Variants in PSPH observed in about 807,000 individuals in gnomAD.
The protein encoded by PSPH is phosphoserine phosphatase.
Under a neutral mutation model 23.4 loss-of-function variants are expected in PSPH, and 16 were observed. The observed-to-expected ratio is 0.68, with a 90% CI of 0.46 to 1.04. PSPH has a LOEUF of 1.04. Ranked by LOEUF, PSPH falls within the 50% of genes least tolerant of loss-of-function variation. PSPH has a pLI of 0.00. For synonymous variants in PSPH, 68 were observed against 99.7 expected (o/e 0.68, Z 1.89); for missense variants, 223 against 273.7 (o/e 0.81, Z 1.31).
At chr7:56,018,334 C>T (rs1193732887) in intron 5 of PSPH, among the ~76,000 whole-genome samples, 1 of 150,938 alleles carries the variant, frequency 6.6e-6, no homozygotes, top group Non-Finnish European at 1.5e-5. Context: ...CAGTGCGAGA[C>T]TCTGTCTCAA....
intron 1 of PSPH, among the ~76,000 whole-genome samples, chr7:56,050,866 C>G (rs2117295145): frequency 6.6e-6 from 1 of 151,956 alleles, no homozygotes; most frequent in East Asian, 1.9e-4. Flanking sequence ...GAATTCAGAA[C>G]AATTTCCGTT....
intron 1 of PSPH, among the ~76,000 whole-genome samples, chr7:56,039,792 AAT>A (rs1195577529): frequency 5.4e-5 from 8 of 148,438 alleles, no homozygotes; most frequent in African/African-American, 1.7e-4. Flanking sequence ...AAAAAAAAAA[AAT>A]TAAAAAAAAA....
intron 3 of PSPH, among the ~76,000 whole-genome samples, chr7:56,027,886 C>A (rs1790434803): frequency 1.0e-5 from 1 of 97,806 alleles, no homozygotes; most frequent in Non-Finnish European, 2.0e-5. Context: ...GATTCTTTCT[C>A]TAAAAAAAAA....
At chr7:56,042,657 A>G (rs1584502069) in intron 1 of PSPH, among the ~76,000 whole-genome samples, 1 of 123,152 alleles carries the variant, frequency 8.1e-6, no homozygotes, top group South Asian at 2.7e-4. Flanking sequence ...TCTCAGAAGG[A>G]AAAAAAAAAA....
In PSPH at chr7:56,011,535, A is replaced by G. The variant is rs1017968786; in HGVS notation, c.*227T>C. On this transcript the variant is annotated 3_prime_UTR_variant, in exon 8 of 8. Transcript: ENST00000275605. ...CAGAGCAAGATTCTGTCTCAAAAAAAAAAAAAACCTCTCCAGGAAATCAAT... is the reference window on the plus strand; with the variant it reads ...CAGAGCAAGATTCTGTCTCAAAAAAGAAAAAAACCTCTCCAGGAAATCAAT... 3.4e-6 allele frequency: 1 copy of G among 295,996 alleles called. No individual in the cohort carries two copies. The allele number at this position is 295,996 out of a possible 1,614,324, so 18.3% of individuals were successfully genotyped here.
intron 1 of PSPH, among the ~76,000 whole-genome samples, chr7:56,050,443 T>C (rs1793863812): frequency 6.6e-6 from 1 of 152,110 alleles, no homozygotes; most frequent in African/African-American, 2.4e-5. Context: ...TTTTTGTATT[T>C]GTTGTATAGA....
At chr7:56,028,245 G>A (rs1790486066) in intron 3 of PSPH, among the ~76,000 whole-genome samples, 1 of 151,988 alleles carries the variant, frequency 6.6e-6, no homozygotes, top group Non-Finnish European at 1.5e-5. Flanking sequence ...TTTTTTTAGA[G>A]ACAAGGTCTC....
intron 4 of PSPH, 98 bp downstream of exon 4, chr7:56,020,975 T>G (rs1185964037): frequency 1.4e-6 from 2 of 1,424,606 alleles, no homozygotes; most frequent in Non-Finnish European, 2.0e-6. Flanking sequence ...AAAAGCCTAG[T>G]GCAAATGTTC....
intron 3 of PSPH, among the ~76,000 whole-genome samples, chr7:56,029,356 A>G (rs1366304690): frequency 2.0e-5 from 3 of 152,164 alleles, no homozygotes; most frequent in Non-Finnish European, 4.4e-5. Flanking sequence ...TGCCGGTGGG[A>G]AGGTCTATTC....
At chr7:56,014,419 A>T (rs1296571721) in intron 7 of PSPH, among the ~76,000 whole-genome samples, 1 of 152,176 alleles carries the variant, frequency 6.6e-6, no homozygotes, top group Admixed American at 6.6e-5. Context: ...ACAAGATTGA[A>T]TGTGTTTTTA....
intron 3 of PSPH, among the ~76,000 whole-genome samples, chr7:56,029,721 T>TCTTC (rs1308534917): frequency 6.6e-6 from 1 of 152,166 alleles, no homozygotes; most frequent in East Asian, 1.9e-4. Flanking sequence ...TGACCTCTTA[T>TCTTC]CTTCACCTGT....
chr7:56,045,859 C>CCA (rs1263400520), intron 1 of PSPH, among the ~76,000 whole-genome samples: 1 of 149,030 alleles, frequency 6.7e-6, no homozygotes, highest in East Asian at 2.0e-4. Flanking sequence ...TGCACTCTAG[C>CCA]CTGGGTGACA....
chr7:56,011,153 G>C lies in PSPH; in HGVS notation c.*609C>G, dbSNP rs1488452610. 5 of 152,520 alleles carry C rather than the reference G, an allele frequency of 3.3e-5. No homozygotes were observed. The highest frequency in any genetic ancestry group is 9.7e-5 in the African/African-American group (4 of 41,406). The allele number at this position is 152,520 out of a possible 1,614,324, so 9.4% of individuals were successfully genotyped here. Reference sequence around the variant, plus strand: ...CGAATCCGTATTTCTAAGAGTAAAGGTGTTTAATTGACTCTCCACACTTAA... The same window carrying C: ...CGAATCCGTATTTCTAAGAGTAAAGCTGTTTAATTGACTCTCCACACTTAA... On this transcript the variant is annotated 3_prime_UTR_variant, in exon 8 of 8. Coordinates refer to ENST00000275605, the MANE Select transcript of PSPH (RefSeq NM_004577.4).
chr7:56,041,209 C>CT (rs1163943212), intron 1 of PSPH, among the ~76,000 whole-genome samples: 3,016 of 130,376 alleles, frequency 0.023, 83 homozygotes, highest in East Asian at 0.05. Context: ...CTCTCTCTCT[C>CT]TTTTTTTTTT....
chr7:56,019,359 A>G (rs1204168070), intron 5 of PSPH, among the ~76,000 whole-genome samples: 1 of 151,892 alleles, frequency 6.6e-6, no homozygotes, highest in Non-Finnish European at 1.5e-5. Context: ...GAATTGCATG[A>G]ACTTGGGAGG....
intron 1 of PSPH, among the ~76,000 whole-genome samples, chr7:56,041,540 T>C (rs939992902): frequency 6.6e-6 from 1 of 151,988 alleles, no homozygotes; most frequent in Admixed American, 6.6e-5. Context: ...GAGGCGATTA[T>C]GTTAAAATGA....
intron 3 of PSPH, among the ~76,000 whole-genome samples, chr7:56,027,132 G>A (rs1790305823): frequency 6.6e-6 from 1 of 151,524 alleles, no homozygotes; most frequent in Non-Finnish European, 1.5e-5. Flanking sequence ...TTGAACCCGG[G>A]AGGCAGAAGT....
intron 5 of PSPH, among the ~76,000 whole-genome samples, 165 bp downstream of exon 5, chr7:56,019,435 T>C (rs1584399219): frequency 1.6e-5 from 2 of 124,940 alleles, no homozygotes; most frequent in Middle Eastern, 3.8e-3. Context: ...TGAGACTTCA[T>C]CTCGAAAAAA....
chr7:56,013,875 C>T (rs1352388945), intron 7 of PSPH, among the ~76,000 whole-genome samples: 1 of 152,110 alleles, frequency 6.6e-6, no homozygotes, highest in Non-Finnish European at 1.5e-5. Flanking sequence ...ACCTGTGATA[C>T]CAGCACTTTG....
Sources: gnomAD v4.1 joint callset for allele counts (sites outside exome capture counted in the v4.1 genomes callset) on GRCh38, gnomAD v4.1.1 for gene constraint, MANE v1.5 for transcripts, NCBI Gene and HGNC (gene_info 2026-07-23, HGNC 2026-07-21) for gene names.